The following LGR4 variants were observed in gnomAD, a reference collection of about 807,000 sequenced individuals.
LGR4 encodes the protein leucine-rich repeat-containing G protein-coupled receptor 4.
A neutral mutation model predicts 84.8 loss-of-function variants in LGR4; 44 were observed. The ratio of observed to expected loss-of-function variants is 0.52; its 90% confidence interval spans 0.41 to 0.67. The LOEUF (loss-of-function observed/expected upper bound fraction) is 0.67, where lower values mean the gene tolerates loss of function less well. LGR4 is among the 30% of genes least tolerant of loss of function. The pLI, the probability that LGR4 is intolerant of heterozygous loss-of-function variation, is 0.00. For missense variants in LGR4, 1,032 were observed against 1,131.4 expected (o/e 0.91, Z 1.26); for synonymous variants, 429 against 434.3 (o/e 0.99, Z 0.15).
chr11:27,451,354 C>T (rs559911277), intron 1 of LGR4, among the ~76,000 whole-genome samples: 9 of 152,186 alleles, frequency 5.9e-5, no homozygotes, highest in African/African-American at 9.6e-5. Flanking sequence ...CCAAAGACAG[C>T]GCCAGGCACT....
At chr11:27,447,401 C>T (rs1338157709) in intron 1 of LGR4, among the ~76,000 whole-genome samples, 2 of 152,052 alleles carry the variant, frequency 1.3e-5, no homozygotes, top group Non-Finnish European at 2.9e-5. Context: ...TATTAGCTTA[C>T]TAAAGGAACC....
In LGR4 at chr11:27,453,281, C is replaced by T. The variant is rs183968343; in HGVS notation, c.185+18837G>A. Reference sequence around the variant, plus strand: ...ACAGGGTTTCACTGTGTTGGCCAGGCTGGTCTCGAACTCCCAACCTCATGA... The same window carrying T: ...ACAGGGTTTCACTGTGTTGGCCAGGTTGGTCTCGAACTCCCAACCTCATGA... On this transcript the variant is annotated intron_variant, in intron 1 of 17. Transcript: ENST00000379214. Among the ~76,000 whole-genome samples, 1,491 of 152,250 alleles carry T rather than the reference C, an allele frequency of 9.8e-3. 11 individuals are homozygous for T. Among genetic ancestry groups the T allele is most frequent in the Non-Finnish European group, 0.016 (1,106 of 68,016 alleles).
At chr11:27,394,979 C>T (rs1311838906) in intron 2 of LGR4, among the ~76,000 whole-genome samples, 2 of 152,054 alleles carry the variant, frequency 1.3e-5, no homozygotes, top group East Asian at 3.9e-4. Context: ...CTCACCATTC[C>T]GATGCCATAG....
At chr11:27,384,177 C>A in intron 6 of LGR4, 159 bp downstream of exon 6, 1 of 568,810 alleles carries the variant, frequency 1.8e-6, no homozygotes, top group South Asian at 2.3e-5. Context: ...GATTAGTATT[C>A]ATAATTAGGT....
chr11:27,369,305 T>C (rs1862837638), intron 17 of LGR4, among the ~76,000 whole-genome samples, 162 bp from the exon 18 acceptor site: 2 of 152,234 alleles, frequency 1.3e-5, no homozygotes, highest in Non-Finnish European at 2.9e-5. Flanking sequence ...ATTTTGGTCA[T>C]GGACCAGGCT....
chr11:27,376,514 T>C (rs952165518), intron 12 of LGR4, 144 bp from the exon 13 acceptor site: 13 of 472,978 alleles, frequency 2.7e-5, no homozygotes, highest in Non-Finnish European at 4.9e-5. Context: ...TTAGTTGAGT[T>C]TTTTCTAAAT....
intron 1 of LGR4, among the ~76,000 whole-genome samples, chr11:27,413,176 G>GTAC (rs1863743371): frequency 6.6e-6 from 1 of 152,056 alleles, no homozygotes. Flanking sequence ...GGTATTCACA[G>GTAC]TACTACCTAT....
chr11:27,467,802 T>C (rs2133462692), intron 1 of LGR4, among the ~76,000 whole-genome samples: 1 of 152,284 alleles, frequency 6.6e-6, no homozygotes, highest in South Asian at 2.1e-4. Context: ...AACACATGGT[T>C]CACTAGTTTG....
chr11:27,392,104 G>A (rs1001820226), intron 3 of LGR4, among the ~76,000 whole-genome samples: 1 of 152,046 alleles, frequency 6.6e-6, no homozygotes, highest in Non-Finnish European at 1.5e-5. Flanking sequence ...TTTAGAGTCA[G>A]GTAATTCAAA....
chr11:27,425,192 A>G (rs1863999192), intron 1 of LGR4, among the ~76,000 whole-genome samples: 1 of 152,230 alleles, frequency 6.6e-6, no homozygotes. Flanking sequence ...GGTTGAAGAG[A>G]TACATAGCAA....
chr11:27,450,408 T>C (rs1432353830), intron 1 of LGR4, among the ~76,000 whole-genome samples: 2 of 152,208 alleles, frequency 1.3e-5, no homozygotes, highest in Non-Finnish European at 2.9e-5. Flanking sequence ...AAATAGACAC[T>C]TTCAATTCCA....
At chr11:27,409,647 T>C (rs1221029958) in intron 2 of LGR4, among the ~76,000 whole-genome samples, 1 of 152,138 alleles carries the variant, frequency 6.6e-6, no homozygotes, top group Non-Finnish European at 1.5e-5. Flanking sequence ...CTTCATTATC[T>C]GGCCTCGTCT....
intron 1 of LGR4, among the ~76,000 whole-genome samples, chr11:27,460,420 A>T (rs1292723779): frequency 2.0e-5 from 3 of 152,204 alleles, no homozygotes; most frequent in Non-Finnish European, 2.9e-5. Flanking sequence ...TGTGATCCCA[A>T]CACACACCAC....
intron 1 of LGR4, among the ~76,000 whole-genome samples, chr11:27,438,147 T>G (rs1590394103): frequency 6.6e-6 from 1 of 152,270 alleles, no homozygotes; most frequent in East Asian, 1.9e-4. Context: ...ACAACCAGAA[T>G]CAAGACCCAA....
At position 27,369,071 on chromosome 11, in the gene LGR4, A is replaced by T. The variant is rs780736159; in HGVS notation, c.1652T>A (p.Val551Asp). 1.2e-6 allele frequency: 2 copies of T among 1,614,062 alleles called. No individual in the cohort carries two copies. The highest frequency in any genetic ancestry group is 1.7e-6 in the Non-Finnish European group (2 of 1,179,994). The change falls in exon 18 of 18, where the codon GTT becomes GAT. Residue 551 changes from valine (V) to aspartate (D), a missense_variant. Coordinates refer to ENST00000379214, the MANE Select transcript of LGR4 (RefSeq NM_018490.5). ...IRLTVWFIFL[V>D]ALFFNLLVIL... ...AACAAGCAGGTTGAAAAATAATGCA[A>T]CCAAGAAAATGAACCACACAGTAAG...
In LGR4 at chr11:27,368,498, T is replaced by G; in HGVS notation, c.2225A>C (p.Gln742Pro). Residue 742 changes from glutamine to proline, a missense_variant, in exon 18 of 18, where the codon CAA (glutamine) becomes CCA (proline). Gln to Pro is a moderately conservative substitution (Grantham distance 76). Coordinates refer to ENST00000379214, the MANE Select transcript of LGR4 (RefSeq NM_018490.5). ...AGCGACATGCTTAATCATGCTAGAT[T>G]GTGAGTTTTCTGAGAGGTCCTCTTT... ...LEKEDLSENS[Q>P]SSMIKHVAWL... 1 of 1,614,208 alleles carries G rather than the reference T, an allele frequency of 6.2e-7. No homozygotes were observed. Among genetic ancestry groups the G allele is most frequent in the Non-Finnish European group, 8.5e-7 (1 of 1,180,034 alleles).
chr11:27,378,733 T>C lies in LGR4; in HGVS notation c.1007A>G (p.Asn336Ser), dbSNP rs1863035415. The change falls in exon 11 of 18, where the codon AAT becomes AGT. Residue 336 changes from asparagine to serine, a missense_variant. Transcript: ENST00000379214. ...CATCTTTTGTTCTTGACACAAATTATTAGGTATGCTGCTTATCTTTGTACC... is the reference window on the plus strand; with the variant it reads ...CATCTTTTGTTCTTGACACAAATTACTAGGTATGCTGCTTATCTTTGTACC... ...LTGTKISSIPNNLCQEQKMLR... is the reference protein window; with the variant it reads ...LTGTKISSIPSNLCQEQKMLR... The C allele has an allele frequency of 6.2e-7, 1 of 1,612,106 alleles. No individual in the cohort carries two copies. Among genetic ancestry groups the C allele is most frequent in the African/African-American group, 1.3e-5 (1 of 74,876 alleles).
chr11:27,401,564 T>A (rs1863504457), intron 2 of LGR4, among the ~76,000 whole-genome samples: 1 of 151,936 alleles, frequency 6.6e-6, no homozygotes, highest in Non-Finnish European at 1.5e-5. Context: ...ATTTATTGAG[T>A]TTTTACTACA....
At chr11:27,390,926 C>T (rs1291021095) in intron 4 of LGR4, among the ~76,000 whole-genome samples, 168 bp downstream of exon 4, 1 of 152,148 alleles carries the variant, frequency 6.6e-6, no homozygotes, top group Non-Finnish European at 1.5e-5. Context: ...TAAACAGAAC[C>T]ACCTCCTTCT....
Sources: gnomAD v4.1 joint callset for allele counts (sites outside exome capture counted in the v4.1 genomes callset) on GRCh38, gnomAD v4.1.1 for gene constraint, MANE v1.5 for transcripts, NCBI Gene and HGNC (gene_info 2026-07-23, HGNC 2026-07-21) for gene names.